Variants in CATSPERT observed in about 807,000 individuals in gnomAD.
The protein encoded by CATSPERT is cation channel sperm-associated targeting subunit tau.
chr2:201,529,244 AT>A, the CATSPERT span, among the ~76,000 whole-genome samples: 1 of 152,148 alleles, frequency 6.6e-6, no homozygotes, highest in Non-Finnish European at 1.5e-5. Context: ...AATAGAAAAA[AT>A]AATCCTAAAA....
chr2:201,561,419 T>C, the CATSPERT span, among the ~76,000 whole-genome samples: 1 of 152,212 alleles, frequency 6.6e-6, no homozygotes, highest in Non-Finnish European at 1.5e-5. Context: ...AGTTAACTTC[T>C]GGGAAACAGG....
the CATSPERT span, chr2:201,572,127 T>A: frequency 1.4e-6 from 1 of 701,612 alleles, no homozygotes; most frequent in East Asian, 2.9e-5. Context: ...ACCCCAGGAC[T>A]ATGAAATAGG....
the CATSPERT span, among the ~76,000 whole-genome samples, chr2:201,494,933 A>C: frequency 1.3e-5 from 2 of 152,152 alleles, no homozygotes; most frequent in African/African-American, 4.8e-5. Context: ...TTGAAATAAA[A>C]ATTTTAATGG....
chr2:201,495,816 T>C, the CATSPERT span: 1 of 958,462 alleles, frequency 1.0e-6, no homozygotes, highest in East Asian at 2.7e-5. Flanking sequence ...AGTAGCTTTT[T>C]AGAACTATTG....
At chr2:201,529,109 A>C in the CATSPERT span, among the ~76,000 whole-genome samples, 1 of 152,296 alleles carries the variant, frequency 6.6e-6, no homozygotes, top group South Asian at 2.1e-4. Flanking sequence ...AGATAAAAAC[A>C]AATGGAAAGA....
the CATSPERT span, among the ~76,000 whole-genome samples, chr2:201,586,625 ATAT>A: frequency 6.6e-6 from 1 of 152,066 alleles, no homozygotes; most frequent in South Asian, 2.1e-4. Context: ...TTCTAATATA[ATAT>A]TCTATTTCAT....
At chr2:201,540,625 GA>G in the CATSPERT span, among the ~76,000 whole-genome samples, 2 of 152,200 alleles carry the variant, frequency 1.3e-5, no homozygotes, top group South Asian at 4.1e-4. Flanking sequence ...TTACTATTCA[GA>G]AAAAAAGATA....
the CATSPERT span, among the ~76,000 whole-genome samples, chr2:201,516,014 AT>A: frequency 3.3e-5 from 5 of 152,238 alleles, no homozygotes; most frequent in Non-Finnish European, 5.9e-5. Flanking sequence ...TGATTTTGTC[AT>A]TGTGTAAGCA....
At chr2:201,498,749 C>G in the CATSPERT span, among the ~76,000 whole-genome samples, 1 of 152,276 alleles carries the variant, frequency 6.6e-6, no homozygotes, top group East Asian at 1.9e-4. Flanking sequence ...TTGGACCCTT[C>G]GTTATCACCC....
At chr2:201,536,203 C>A in the CATSPERT span, 20 of 1,613,372 alleles carry the variant, frequency 1.2e-5, no homozygotes, top group Admixed American at 2.3e-4. Flanking sequence ...AATGAGTGCA[C>A]TTCTGTGGGT....
chr2:201,503,409 A>T, the CATSPERT span, among the ~76,000 whole-genome samples: 5 of 152,068 alleles, frequency 3.3e-5, no homozygotes, highest in African/African-American at 7.2e-5. Context: ...TTAAAATTTA[A>T]CTTAAGAGAC....
At chr2:201,576,767 G>A in the CATSPERT span, among the ~76,000 whole-genome samples, 1 of 152,126 alleles carries the variant, frequency 6.6e-6, no homozygotes, top group Non-Finnish European at 1.5e-5. Flanking sequence ...ATTAATAAAA[G>A]CCTGACATTG....
the CATSPERT span, among the ~76,000 whole-genome samples, chr2:201,522,422 C>T: frequency 1.3e-5 from 2 of 152,028 alleles, no homozygotes; most frequent in African/African-American, 2.4e-5. Context: ...AAGACCAGCA[C>T]ACTCCAAGCA....
At chr2:201,552,908 C>T in the CATSPERT span, 1 of 152,098 alleles carries the variant, frequency 6.6e-6, no homozygotes, top group Non-Finnish European at 1.5e-5. Context: ...AGCTCCTGAC[C>T]ACGTACAGGA....
the CATSPERT span, among the ~76,000 whole-genome samples, chr2:201,506,678 C>T: frequency 9.2e-5 from 14 of 151,990 alleles, no homozygotes; most frequent in Non-Finnish European, 1.6e-4. Context: ...CTCAGCCTCC[C>T]GAGTAGCTGG....
the CATSPERT span, among the ~76,000 whole-genome samples, chr2:201,606,047 A>G: frequency 2.0e-4 from 30 of 152,354 alleles, no homozygotes; most frequent in African/African-American, 7.0e-4. Context: ...AAAGAAGCAT[A>G]AAGGGTCAGA....
At chr2:201,578,783 C>T in the CATSPERT span, among the ~76,000 whole-genome samples, 4 of 152,080 alleles carry the variant, frequency 2.6e-5, no homozygotes, top group African/African-American at 9.7e-5. Context: ...ATCTAAGCTT[C>T]TACATTTTCT....
chr2:201,577,073 C>T, the CATSPERT span, among the ~76,000 whole-genome samples: 75,422 of 151,920 alleles, frequency 0.5, 19,006 homozygotes, highest in East Asian at 0.74. Flanking sequence ...GACAGACAAG[C>T]CACAATCAAT....
At chr2:201,540,304 G>T in the CATSPERT span, among the ~76,000 whole-genome samples, 1 of 152,176 alleles carries the variant, frequency 6.6e-6, no homozygotes, top group Non-Finnish European at 1.5e-5. Context: ...ACACTAAATA[G>T]GTTTTTATCG....
Sources: gnomAD v4.1 joint callset for allele counts (sites outside exome capture counted in the v4.1 genomes callset) on GRCh38, gnomAD v4.1.1 for gene constraint, MANE v1.5 for transcripts, NCBI Gene and HGNC (gene_info 2026-07-23, HGNC 2026-07-21) for gene names.